KMT2E: variants seen among roughly 807,000 people sequenced by gnomAD.
The protein encoded by KMT2E is histone reader KMT2E.
A neutral mutation model predicts 184.6 loss-of-function variants in KMT2E; 30 were observed. The ratio of observed to expected loss-of-function variants is 0.16; its 90% CI spans 0.12 to 0.22. The LOEUF (loss-of-function observed/expected upper bound fraction) is 0.22. KMT2E is among the 10% of genes least tolerant of loss of function. The pLI is 1.00. For missense variants in KMT2E, 2,023 were observed against 2,237.4 expected, an observed-to-expected ratio of 0.90 and a Z score of 1.93; for synonymous variants, 815 against 776.5, an observed-to-expected ratio of 1.05 and a Z score of -0.82.
At chr7:105,071,600 ATATATATATTTTTTTTT>A (rs1276753882) in intron 6 of KMT2E, among the ~76,000 whole-genome samples, 2 of 66,146 alleles carry the variant, frequency 3.0e-5, no homozygotes, top group African/African-American at 1.3e-4. Flanking sequence ...ATATATATAT[ATATATATATTTTTTTTT>A]TTTTTTTTTT....
chr7:105,082,182 T>C (rs1797783387), intron 13 of KMT2E, among the ~76,000 whole-genome samples: 1 of 152,154 alleles, frequency 6.6e-6, no homozygotes, highest in South Asian at 2.1e-4. Flanking sequence ...CAAAAGAAAA[T>C]TTTCTTTGCA....
intron 1 of KMT2E, among the ~76,000 whole-genome samples, chr7:105,018,716 G>A (rs1032753066): frequency 6.6e-6 from 1 of 152,060 alleles, no homozygotes; most frequent in African/African-American, 2.4e-5. Context: ...TTTAGGCTGG[G>A]TTTAAAATTG....
chr7:105,075,081 CCTT>C (rs1797471630), intron 8 of KMT2E, among the ~76,000 whole-genome samples: 3 of 151,998 alleles, frequency 2.0e-5, no homozygotes, highest in Non-Finnish European at 2.9e-5. Flanking sequence ...AAATAGAAAG[CCTT>C]CATAGTTTTC....
rs746451947 is a variant in KMT2E at position 105,105,899 on chromosome 7, T to C, written c.2492T>C (p.Ile831Thr). Residue 831 changes from isoleucine (I) to threonine (T), a missense_variant, in exon 19 of 27, where the codon ATT (isoleucine) becomes ACT (threonine). Physicochemically the swap from Ile to Thr is moderately conservative, Grantham distance 89 (BLOSUM62 -1). Coordinates refer to ENST00000311117, the MANE Select transcript of KMT2E (RefSeq NM_182931.3). The part of the protein sequence containing the change: ...KQALEEENSA[I>T]LHRFNSPCQE... ...GCTCTGGAAGAAGAAAATTCAGCAA[T>C]TTTACATAGATTTAATTCACCCTGT... is the stretch of plus-strand genomic sequence containing the variant. 1 of 1,613,148 alleles carries C rather than the reference T, an allele frequency of 6.2e-7. No homozygotes were observed. The highest frequency in any genetic ancestry group is 1.7e-5 in the Admixed American group (1 of 59,800).
chr7:105,092,275 G>T (rs1254829750), intron 15 of KMT2E, among the ~76,000 whole-genome samples: 1 of 152,100 alleles, frequency 6.6e-6, no homozygotes, highest in Non-Finnish European at 1.5e-5. Context: ...AATTAGCCAG[G>T]CTTATATTCC....
chr7:105,106,472 TAACA>T (rs756041552), intron 19 of KMT2E, 46 bp from the exon 20 acceptor site: 1 of 1,503,654 alleles, frequency 6.7e-7, no homozygotes, highest in South Asian at 1.1e-5. Context: ...AAACAGATTT[TAACA>T]AATAGCAACA....
chr7:105,045,250 T>C (rs1796053160), intron 3 of KMT2E, among the ~76,000 whole-genome samples: 1 of 152,388 alleles, frequency 6.6e-6, no homozygotes, highest in African/African-American at 2.4e-5. Flanking sequence ...TTTGATACTA[T>C]TGACTCTCTT....
Position 105,106,679 on chromosome 7 carries a change from AGAT to A in KMT2E, c.2760_2762del (p.Asp920del), listed in dbSNP as rs1311247431. On this transcript the variant is annotated inframe_deletion, in exon 20 of 27. Transcript: ENST00000311117. ...TTGCCACGCCTCCACGGATAAAATC[AGAT>A]GATGAAACTTGTAGAAATGGTTATA... The A allele has an allele frequency of 1.2e-6, 2 of 1,613,960 alleles. No homozygotes were observed. The highest frequency in any genetic ancestry group is 2.2e-5 in the East Asian group (1 of 44,884).
intron 19 of KMT2E, among the ~76,000 whole-genome samples, 174 bp downstream of exon 19, chr7:105,106,177 T>C (rs1013567495): frequency 2.0e-5 from 3 of 152,238 alleles, no homozygotes; most frequent in Admixed American, 6.5e-5. Flanking sequence ...CAGTTCACAA[T>C]ACCACGTATG....
At chr7:105,023,949 A>G (rs1795066330) in intron 1 of KMT2E, among the ~76,000 whole-genome samples, 2 of 152,188 alleles carry the variant, frequency 1.3e-5, no homozygotes, top group Non-Finnish European at 1.5e-5. Flanking sequence ...AAAGAAATAT[A>G]TACTCAGAAA....
At chr7:105,045,858 A>G (rs1015759273) in intron 3 of KMT2E, among the ~76,000 whole-genome samples, 1 of 152,182 alleles carries the variant, frequency 6.6e-6, no homozygotes, top group African/African-American at 2.4e-5. Flanking sequence ...TAACATTTTG[A>G]GGAATCGTCG....
chr7:105,073,302 C>T (rs960481248), intron 6 of KMT2E, among the ~76,000 whole-genome samples: 1 of 150,306 alleles, frequency 6.7e-6, no homozygotes, highest in African/African-American at 2.5e-5. Context: ...GAGGCTGAGG[C>T]AGGAGGATCC....
Position 105,101,549 on chromosome 7 carries a change from G to C in KMT2E, c.1847G>C (p.Cys616Ser). 6.3e-7 allele frequency: 1 copy of C among 1,578,696 alleles called. No individual in the cohort carries two copies. The highest frequency in any genetic ancestry group is 8.6e-7 in the Non-Finnish European group (1 of 1,167,624). ...GCCAAAACTGAAGTTAAAACTGAAT[G>C]TAAAGATACACAGATTGTCAGTGAT... ...STAKTEVKTECKDTQIVSDAE... is the reference protein window; with the variant it reads ...STAKTEVKTESKDTQIVSDAE... Residue 616 changes from cysteine to serine, a missense_variant, in exon 16 of 27, where the codon TGT becomes TCT. Coordinates refer to ENST00000311117, the MANE Select transcript of KMT2E (RefSeq NM_182931.3).
intron 25 of KMT2E, 23 bp from the exon 26 acceptor site, chr7:105,110,748 T>C: frequency 6.3e-7 from 1 of 1,600,000 alleles, no homozygotes; most frequent in Non-Finnish European, 8.6e-7. Flanking sequence ...TTATACTTAC[T>C]ATAGGTTTCT....
In KMT2E at chr7:105,113,191, G is replaced by A. The variant is rs779211079; in HGVS notation, c.5435G>A (p.Cys1812Tyr). The A allele has an allele frequency of 6.2e-7, 1 of 1,614,196 alleles. No individual in the cohort carries two copies. Among genetic ancestry groups the A allele is most frequent in the East Asian group, 2.2e-5 (1 of 44,874 alleles). ...CCAACACCTACTGCTTCAGGGTTCT[G>A]TCCTCATCCTGGCTCTGTGGCCCTG... is the stretch of plus-strand genomic sequence containing the variant. ...SIPTPTASGF[C>Y]PHPGSVALPH... Residue 1812 changes from cysteine (C) to tyrosine (Y), a missense_variant, in exon 27 of 27, where the codon TGT (cysteine) becomes TAT (tyrosine). Cys to Tyr is a radical substitution (Grantham distance 194). This residue lies in a region of KMT2E where 1,108 missense variants were observed against 1,050.9 expected (regional missense o/e 1.05). Coordinates refer to ENST00000311117, the MANE Select transcript of KMT2E (RefSeq NM_182931.3).
chr7:105,090,821 G>A lies in KMT2E; in HGVS notation c.1624-395G>A, dbSNP rs1006677085. The stretch of plus-strand genomic sequence containing the variant: ...CATTAAAATGTGAAAATTAAGTAAG[G>A]TTTTGCTCATTTCCAGGGGCCTATC... On this transcript the variant is annotated intron_variant, in intron 14 of 26. Coordinates refer to ENST00000311117, the MANE Select transcript of KMT2E (RefSeq NM_182931.3). 3.9e-5 allele frequency among the ~76,000 whole-genome samples: 6 copies of A among 152,092 alleles called. No individual in the cohort carries two copies. The South Asian group carries it at 1.2e-3, about 32-fold the overall frequency.
Position 105,110,566 on chromosome 7 carries a change from A to G in KMT2E, c.3934A>G (p.Lys1312Glu). The change falls in exon 25 of 27, where the codon AAG becomes GAG. Residue 1312 changes from lysine to glutamate, a missense_variant. Lys to Glu is a moderately conservative substitution (Grantham distance 56). Coordinates refer to ENST00000311117, the MANE Select transcript of KMT2E (RefSeq NM_182931.3). Reference protein sequence around the residue: ...HSNHIPQLQAKGPVPSFSELM... With the variant: ...HSNHIPQLQAEGPVPSFSELM... Reference sequence around the variant, plus strand: ...AAATCACATACCCCAGTTGCAAGCTAAGGGCCCAGTCCCTTCTTTCAGTGA... The same window carrying G: ...AAATCACATACCCCAGTTGCAAGCTGAGGGCCCAGTCCCTTCTTTCAGTGA... 6.2e-7 allele frequency: 1 copy of G among 1,613,892 alleles called. No homozygotes were observed. The highest frequency in any genetic ancestry group is 8.5e-7 in the Non-Finnish European group (1 of 1,179,748).
chr7:105,063,237 A>G, intron 4 of KMT2E, 114 bp from the exon 5 acceptor site: 1 of 712,812 alleles, frequency 1.4e-6, no homozygotes, highest in Non-Finnish European at 2.2e-6. Context: ...GGAATGAGCC[A>G]GTCTCATATC....
intron 3 of KMT2E, among the ~76,000 whole-genome samples, chr7:105,050,711 T>G (rs188337873): frequency 6.6e-6 from 1 of 151,206 alleles, no homozygotes; most frequent in African/African-American, 2.4e-5. Context: ...TTCTCTCTCT[T>G]TCTGTCTGTC....
Sources: gnomAD v4.1 joint callset for allele counts (sites outside exome capture counted in the v4.1 genomes callset) on GRCh38, gnomAD v4.1.1 for gene constraint, gnomAD v4.1.1 regional missense constraint, MANE v1.5 for transcripts, NCBI Gene and HGNC (gene_info 2026-07-23, HGNC 2026-07-21) for gene names.